The following MICAL1 variants were observed in gnomAD, a reference collection of about 807,000 sequenced individuals.
MICAL1 encodes [F-actin]-monooxygenase MICAL1.
A neutral mutation model predicts 131.8 loss-of-function variants in MICAL1; 95 were observed. The ratio of observed to expected loss-of-function variants is 0.72; its 90% CI spans 0.61 to 0.86. The LOEUF (loss-of-function observed/expected upper bound fraction) is 0.86. Among genes scored for constraint, MICAL1 ranks in the 40% least tolerant of loss-of-function variants. The probability of loss-of-function intolerance (pLI) is 0.00; values close to 1 mark genes in which losing one functional copy is unlikely to be tolerated. For synonymous variants in MICAL1, 546 were observed against 554.2 expected, an observed-to-expected ratio of 0.99 and a Z score of 0.21; for missense variants, 1,292 against 1,380.6, an observed-to-expected ratio of 0.94 and a Z score of 1.02.
intron 3 of MICAL1, 27 bp downstream of exon 3, chr6:109,453,611 C>T (rs775875503): frequency 3.8e-6 from 6 of 1,565,366 alleles, no homozygotes; most frequent in Middle Eastern, 1.7e-4. Flanking sequence ...GCTCACCCGC[C>T]CCTCCAGGCC....
Position 109,447,929 on chromosome 6 carries a change from ACTGGAGGTCC to A in MICAL1, c.1880_1889del (p.Gly627ValfsTer53). The A allele has an allele frequency of 1.2e-6, 2 of 1,612,858 alleles. No individual in the cohort carries two copies. On this transcript the variant is annotated frameshift_variant, in exon 14 of 25. Coordinates refer to ENST00000358807, the MANE Select transcript of MICAL1 (RefSeq NM_022765.4). LOFTEE classifies it high-confidence loss of function. ...GAAGTTTACTAAGGAATAATACAGC[ACTGGAGGTCC>A]CTGGGGAGGCCTGGCTGACAGGGCC...
chr6:109,465,589 CGA>C, intron 1 of MICAL1: 1 of 1,468,482 alleles, frequency 6.8e-7, no homozygotes, highest in Non-Finnish European at 9.2e-7. Context: ...AAAAACTACC[CGA>C]GTCTTTATGA....
At chr6:109,448,146 C>T in intron 13 of MICAL1, 57 bp downstream of exon 13, 2 of 1,571,130 alleles carry the variant, frequency 1.3e-6, no homozygotes, top group Admixed American at 1.7e-5. Context: ...CACACACACA[C>T]ACACACACAC....
In MICAL1 at chr6:109,444,069, CA is replaced by C; in HGVS notation, c.*121del. On this transcript the variant is annotated 3_prime_UTR_variant, in exon 25 of 25. Transcript: ENST00000358807. ...TAGGCGGTGTGAACGCTGTTTGTGG[CA>C]GAAACATTTTAATTGTAAACAGCAA... 2 of 1,485,274 alleles carry C rather than the reference CA, an allele frequency of 1.3e-6. No individual in the cohort carries two copies. The highest frequency in any genetic ancestry group is 1.8e-6 in the Non-Finnish European group (2 of 1,115,934). 92.0% of individuals were successfully genotyped at this position (1,485,274 alleles called of 1,614,324 possible). A position where few individuals can be genotyped will look rare whatever the true frequency, so the allele number is the denominator to read the frequency against.
At position 109,449,400 on chromosome 6, in the gene MICAL1, C is replaced by A; in HGVS notation, c.1516G>T (p.Gly506Trp). The part of the protein sequence containing the change: ...DKTDTGMPAT[G>W]SAGTQEELLR... Reference sequence around the variant, plus strand: ...CCCCTTGGGAGGAAGGCCTGCTCACCGGTGGCTGGCATCCCTGTATCTGTC... The same window carrying A: ...CCCCTTGGGAGGAAGGCCTGCTCACAGGTGGCTGGCATCCCTGTATCTGTC... The change falls in exon 11 of 25, where the codon GGG becomes TGG. Residue 506 changes from glycine to tryptophan, a missense_variant and splice_region_variant. Gly to Trp is a radical substitution (Grantham distance 184). Coordinates refer to ENST00000358807, the MANE Select transcript of MICAL1 (RefSeq NM_022765.4). 1.2e-6 allele frequency: 2 copies of A among 1,614,184 alleles called. No homozygotes were observed. The highest frequency in any genetic ancestry group is 1.7e-6 in the Non-Finnish European group (2 of 1,180,030).
chr6:109,457,988 ATC>A (rs539108013), upstream of MICAL1, among the ~76,000 whole-genome samples: 639 of 152,286 alleles, frequency 4.2e-3, 4 homozygotes, highest in Non-Finnish European at 7.3e-3. Context: ...TCGTCTGCCC[ATC>A]TCTAAATGGA....
chr6:109,450,580 C>T lies in MICAL1; in HGVS notation c.934-23G>A, dbSNP rs375097332. 1.0e-5 allele frequency: 16 copies of T among 1,582,420 alleles called. No individual in the cohort carries two copies. In the African/African-American group the frequency reaches 2.2e-4, roughly 21 times the overall value. On this transcript the variant is annotated intron_variant, in intron 7 of 24. Transcript: ENST00000358807. ...GTCCTGTATGGTCAACAGAGCAGAA[C>T]CTCAGAGACCTCTGAGAGCAGGGTC... is the stretch of plus-strand genomic sequence containing the variant.
chr6:109,457,106 C>G (rs1401084396), upstream of MICAL1, among the ~76,000 whole-genome samples: 1 of 151,996 alleles, frequency 6.6e-6, no homozygotes, highest in Non-Finnish European at 1.5e-5. Context: ...TGGAAAATAT[C>G]TGAGACCCAG....
chr6:109,462,349 T>C (rs1013731512), intron 1 of MICAL1, among the ~76,000 whole-genome samples: 1 of 152,184 alleles, frequency 6.6e-6, no homozygotes, highest in Non-Finnish European at 1.5e-5. Context: ...CAAACTAATA[T>C]ACCAGTCATG....
chr6:109,461,349 A>G (rs1015154903), intron 1 of MICAL1, among the ~76,000 whole-genome samples: 5 of 152,146 alleles, frequency 3.3e-5, no homozygotes, highest in Non-Finnish European at 5.9e-5. Context: ...TTTCTTACCA[A>G]TTAAGCTTTA....
In MICAL1 at chr6:109,445,815, C is replaced by T; in HGVS notation, c.2629G>A (p.Glu877Lys). The T allele has an allele frequency of 6.2e-7, 1 of 1,611,574 alleles. No individual in the cohort carries two copies. Residue 877 changes from glutamate to lysine, a missense_variant, in exon 20 of 25, where the codon GAA (glutamate) becomes AAA (lysine). Glu to Lys is a moderately conservative substitution (Grantham distance 56). Coordinates refer to ENST00000358807, the MANE Select transcript of MICAL1 (RefSeq NM_022765.4). ...AAAGGCACATCTTCTTCTTCCTCTTCACTGGAGAAGGGACTCTCTTTTTCC... is the reference window on the plus strand; with the variant it reads ...AAAGGCACATCTTCTTCTTCCTCTTTACTGGAGAAGGGACTCTCTTTTTCC... ...KEEKESPFSS[E>K]EEEEDVPLDS...
rs1346147346 is a variant in MICAL1 at position 109,446,416 on chromosome 6, GA to G, written c.2305-5del. 1 of 990,696 alleles carries G rather than the reference GA, an allele frequency of 1.0e-6. No homozygotes were observed. Among genetic ancestry groups the G allele is most frequent in the Non-Finnish European group, 1.3e-6 (1 of 769,390 alleles). The allele number at this position is 990,696 out of a possible 1,614,324, so 61.4% of individuals were successfully genotyped here. ...TCTCACTTGGTGTGGGGAGCTCCTG[GA>G]AAAGCCACCATGTGGAGTGAGGTCG... On this transcript the variant is annotated splice_region_variant and splice_polypyrimidine_tract_variant and intron_variant, in intron 18 of 24. Coordinates refer to ENST00000358807, the MANE Select transcript of MICAL1 (RefSeq NM_022765.4).
Position 109,449,740 on chromosome 6 carries a change from T to C in MICAL1, c.1351A>G (p.Met451Val), listed in dbSNP as rs1775451462. ...QLLSQTSPEN[M>V]HRNVAQYGLD... ...CCATACTGGGCCACATTGCGATGCA[T>C]GTTTTCTGGGGATGTCTGTGACAGA... Residue 451 changes from methionine (M) to valine (V), a missense_variant, in exon 10 of 25, where the codon ATG becomes GTG. Coordinates refer to ENST00000358807, the MANE Select transcript of MICAL1 (RefSeq NM_022765.4). 3 of 1,607,394 alleles carry C rather than the reference T, an allele frequency of 1.9e-6. No homozygotes were observed. The highest frequency in any genetic ancestry group is 2.2e-5 in the South Asian group (2 of 89,906).
intron 11 of MICAL1, chr6:109,449,176 T>G (rs1582644482): frequency 2.9e-6 from 2 of 681,486 alleles, no homozygotes; most frequent in Non-Finnish European, 5.2e-6. Context: ...GCTGTAACGG[T>G]GGTTCAAACA....
rs754997264 is a variant in MICAL1 at position 109,452,348 on chromosome 6, A to C, written c.730T>G (p.Phe244Val). 1.8e-5 allele frequency: 29 copies of C among 1,614,088 alleles called. No individual in the cohort carries two copies. The highest frequency in any genetic ancestry group is 2.7e-5 in the African/African-American group (2 of 74,946). Residue 244 changes from phenylalanine (F) to valine (V), a missense_variant, in exon 6 of 25, where the codon TTT (phenylalanine) becomes GTT (valine). Coordinates refer to ENST00000358807, the MANE Select transcript of MICAL1 (RefSeq NM_022765.4). Reference sequence around the variant, plus strand: ...TCCTCCACGGTGCGTCCATTCACAAAGTTGGCTGTGATGCCAATGGCCAGT... The same window carrying C: ...TCCTCCACGGTGCGTCCATTCACAACGTTGGCTGTGATGCCAATGGCCAGT... Reference protein sequence around the residue: ...GKLAIGITANFVNGRTVEETQ... With the variant: ...GKLAIGITANVVNGRTVEETQ...
At chr6:109,458,536 C>T (rs147146146), upstream of MICAL1, among the ~76,000 whole-genome samples, 506 of 152,158 alleles carry the variant, frequency 3.3e-3, no homozygotes, top group African/African-American at 0.011. Flanking sequence ...GTGGAGGTTG[C>T]GGTAAGCTGA....
chr6:109,447,016 G>T, intron 17 of MICAL1, 57 bp downstream of exon 17: 1 of 1,586,116 alleles, frequency 6.3e-7, no homozygotes. Flanking sequence ...CAAGCTCTGT[G>T]TCCCCCAAGC....
intron 14 of MICAL1, 23 bp downstream of exon 14, chr6:109,447,852 C>G: frequency 6.2e-7 from 1 of 1,613,050 alleles, no homozygotes. Flanking sequence ...CTGCTCAGCT[C>G]CAGCCCTGCC....
chr6:109,449,901 C>T (rs1775461455), intron 9 of MICAL1, 69 bp downstream of exon 9: 5 of 1,594,920 alleles, frequency 3.1e-6, no homozygotes, highest in African/African-American at 1.3e-5. Flanking sequence ...CACTCAGCAC[C>T]CCTGCCCCTC....
Sources: allele counts gnomAD v4.1 joint callset (sites outside exome capture counted in the v4.1 genomes callset), GRCh38; gene constraint gnomAD v4.1.1; transcripts MANE v1.5; gene names NCBI Gene and HGNC (gene_info 2026-07-23, HGNC 2026-07-21).